Variants in SNX29 observed in about 807,000 individuals in gnomAD.
SNX29 encodes sorting nexin-29.
SNX29 carries 78 observed loss-of-function variants against 102.1 expected under a neutral mutation model. The ratio of observed to expected loss-of-function variants is 0.76; its 90% CI spans 0.64 to 0.92. The LOEUF is 0.92. Among genes scored for constraint, SNX29 ranks in the 40% least tolerant of loss-of-function variants. The probability of loss-of-function intolerance (pLI) is 0.00; values close to 1 mark genes in which losing one functional copy is unlikely to be tolerated. For synonymous variants in SNX29, 580 were observed against 414.5 expected (o/e 1.40, Z -4.85); for missense variants, 1,280 against 1,061.7 (o/e 1.21, Z -2.86).
chr16:12,360,695 G>C (rs2082276758), intron 16 of SNX29, among the ~76,000 whole-genome samples: 1 of 151,514 alleles, frequency 6.6e-6, no homozygotes, highest in Admixed American at 6.6e-5. Context: ...CCCTGACTGA[G>C]TTTGCTTCCC....
At chr16:12,436,299 A>C (rs966028185) in intron 18 of SNX29, among the ~76,000 whole-genome samples, 2 of 152,090 alleles carry the variant, frequency 1.3e-5, no homozygotes, top group African/African-American at 2.4e-5. Context: ...GAGCTCACAG[A>C]CGTTTCTATT....
intron 16 of SNX29, among the ~76,000 whole-genome samples, chr16:12,383,320 A>G (rs913288135): frequency 6.6e-6 from 1 of 152,226 alleles, no homozygotes; most frequent in African/African-American, 2.4e-5. Context: ...GAGATAAGAC[A>G]TAGCATTATA....
At chr16:12,382,597 C>G (rs2083207703) in intron 16 of SNX29, among the ~76,000 whole-genome samples, 1 of 152,212 alleles carries the variant, frequency 6.6e-6, no homozygotes, top group Non-Finnish European at 1.5e-5. Flanking sequence ...GTGTTAGTTT[C>G]TTAGAGCTGC....
intron 11 of SNX29, chr16:12,086,723 AT>A (rs1373236349): frequency 3.3e-5 from 5 of 152,234 alleles, no homozygotes; most frequent in Admixed American, 6.5e-5. Flanking sequence ...CAAACACCAA[AT>A]TTTAAAATGA....
chr16:12,121,472 T>C (rs1159778092), intron 11 of SNX29, among the ~76,000 whole-genome samples: 2 of 152,210 alleles, frequency 1.3e-5, no homozygotes, highest in Non-Finnish European at 2.9e-5. Context: ...CCGCTGGCCC[T>C]TGGGTAGCCG....
At chr16:12,136,011 C>T (rs975992289) in intron 13 of SNX29, among the ~76,000 whole-genome samples, 4 of 152,202 alleles carry the variant, frequency 2.6e-5, no homozygotes, top group Non-Finnish European at 4.4e-5. Flanking sequence ...GGACCGGCCT[C>T]GCAGTTACTC....
At chr16:12,002,312 G>C (rs1000318398) in intron 2 of SNX29, among the ~76,000 whole-genome samples, 3 of 152,010 alleles carry the variant, frequency 2.0e-5, no homozygotes, top group Admixed American at 6.6e-5. Flanking sequence ...GCCGGGCATA[G>C]TGGCACATGC....
chr16:12,457,465 A>G (rs2086588555), intron 18 of SNX29, among the ~76,000 whole-genome samples: 1 of 152,204 alleles, frequency 6.6e-6, no homozygotes, highest in Non-Finnish European at 1.5e-5. Flanking sequence ...GCAGGTCTCA[A>G]GAATGGCCCA....
intron 1 of SNX29, among the ~76,000 whole-genome samples, chr16:11,993,393 G>T (rs1270233629): frequency 6.6e-6 from 1 of 152,092 alleles, no homozygotes; most frequent in East Asian, 1.9e-4. Context: ...CAGAGGCTTG[G>T]ATTGAATTGC....
At chr16:12,133,147 G>A (rs2054530652) in intron 13 of SNX29, among the ~76,000 whole-genome samples, 1 of 152,156 alleles carries the variant, frequency 6.6e-6, no homozygotes, top group East Asian at 1.9e-4. Context: ...CACAGTGCAG[G>A]TGGATACAGC....
chr16:12,572,920 GTGTTT>G lies in SNX29; in HGVS notation c.*4292_*4296del. The G allele has an allele frequency of 2.0e-6, 2 of 977,112 alleles. No individual in the cohort carries two copies. Among genetic ancestry groups the G allele is most frequent in the Non-Finnish European group, 2.5e-6 (2 of 799,752 alleles). The allele number at this position is 977,112 out of a possible 1,614,324, so 60.5% of individuals were successfully genotyped here. A position where few individuals can be genotyped will look rare whatever the true frequency, so the allele number is the denominator to read the frequency against. ...CGCTCGGAATCACGGCAGACTTGGA[GTGTTT>G]CTTCAAGGCAGGCATCTGCTTATGA... On this transcript the variant is annotated 3_prime_UTR_variant, in exon 21 of 21. Coordinates refer to ENST00000566228, the MANE Select transcript of SNX29 (RefSeq NM_032167.5).
rs2079200744 is a variant in SNX29 at position 12,572,120 on chromosome 16, T to C, written c.*3491T>C. The C allele has an allele frequency of 9.7e-7, 1 of 1,033,902 alleles. No individual in the cohort carries two copies. Among genetic ancestry groups the C allele is most frequent in the Non-Finnish European group, 1.2e-6 (1 of 851,156 alleles). 64.0% of individuals were successfully genotyped at this position (1,033,902 alleles called of 1,614,324 possible). On this transcript the variant is annotated 3_prime_UTR_variant, in exon 21 of 21. Coordinates refer to ENST00000566228, the MANE Select transcript of SNX29 (RefSeq NM_032167.5). ...GTGGACTGGGTCTGATCACAGCCCT[T>C]GGCCCTGCTTCATACTTTGGAGCTT...
chr16:11,986,384 A>G (rs1167845416), intron 1 of SNX29, among the ~76,000 whole-genome samples: 1 of 151,256 alleles, frequency 6.6e-6, no homozygotes, highest in East Asian at 1.9e-4. Context: ...TAAAAAAAAA[A>G]AAAAAAAGCG....
At chr16:12,112,373 C>A (rs1429378557) in intron 11 of SNX29, among the ~76,000 whole-genome samples, 1 of 152,178 alleles carries the variant, frequency 6.6e-6, no homozygotes, top group East Asian at 1.9e-4. Context: ...AAACAGGGGG[C>A]AGGGCAGACT....
At chr16:12,439,221 C>G (rs2085683949) in intron 18 of SNX29, among the ~76,000 whole-genome samples, 1 of 152,106 alleles carries the variant, frequency 6.6e-6, no homozygotes, top group African/African-American at 2.4e-5. Flanking sequence ...GGGAAGAGAG[C>G]TGAGAGACGG....
At chr16:12,151,529 C>T (rs548437105) in intron 13 of SNX29, among the ~76,000 whole-genome samples, 68 of 152,298 alleles carry the variant, frequency 4.5e-4, no homozygotes, top group African/African-American at 1.5e-3. Context: ...CTGACCGGGG[C>T]CTGCCTGCTT....
chr16:12,173,578 T>C (rs989259153), intron 13 of SNX29, among the ~76,000 whole-genome samples: 1 of 152,228 alleles, frequency 6.6e-6, no homozygotes, highest in Non-Finnish European at 1.5e-5. Context: ...CATTCTGTCA[T>C]GTAGCTTCCT....
intron 13 of SNX29, among the ~76,000 whole-genome samples, chr16:12,181,425 CAAAT>C (rs2141835967): frequency 6.6e-6 from 1 of 152,278 alleles, no homozygotes; most frequent in South Asian, 2.1e-4. Context: ...AGATTAGAGA[CAAAT>C]AGTTGCATTC....
At chr16:12,362,153 G>T (rs969310198) in intron 16 of SNX29, among the ~76,000 whole-genome samples, 2 of 152,174 alleles carry the variant, frequency 1.3e-5, no homozygotes, top group African/African-American at 4.8e-5. Context: ...TTGTTCCCTT[G>T]AACTGACAAA....
Sources: gnomAD v4.1 joint callset for allele counts (sites outside exome capture counted in the v4.1 genomes callset) on GRCh38, gnomAD v4.1.1 for gene constraint, MANE v1.5 for transcripts, NCBI Gene and HGNC (gene_info 2026-07-23, HGNC 2026-07-21) for gene names.